Variants in CPD observed in about 807,000 individuals in gnomAD.
CPD encodes the protein metallocarboxypeptidase D.
A neutral mutation model predicts 138.3 loss-of-function variants in CPD; 69 were observed. The observed-to-expected ratio is 0.50, with a 90% CI of 0.41 to 0.61. The LOEUF is 0.61. Ranked by LOEUF, CPD falls within the 20% of genes least tolerant of loss-of-function variation. CPD has a pLI of 0.00. For synonymous variants in CPD, 651 were observed against 642.1 expected, an observed-to-expected ratio of 1.01 and a Z score of -0.21; for missense variants, 1,432 against 1,733.3, an observed-to-expected ratio of 0.83 and a Z score of 3.09.
At chr17:30,402,822 G>C (rs1189785575) in intron 2 of CPD, among the ~76,000 whole-genome samples, 1 of 152,070 alleles carries the variant, frequency 6.6e-6, no homozygotes, top group Non-Finnish European at 1.5e-5. Context: ...CATAATACTT[G>C]TTGGCTGGGT....
At chr17:30,458,807 G>A (rs1398105130) in intron 17 of CPD, among the ~76,000 whole-genome samples, 1 of 151,348 alleles carries the variant, frequency 6.6e-6, no homozygotes, top group Admixed American at 6.6e-5. Flanking sequence ...GGAAGATTGC[G>A]AAGAGCCGAG....
intron 8 of CPD, among the ~76,000 whole-genome samples, chr17:30,435,872 T>C (rs1317350906): frequency 1.3e-5 from 2 of 152,272 alleles, no homozygotes; most frequent in East Asian, 3.9e-4. Context: ...GGTGCTTTGC[T>C]GGCAACCATT....
At chr17:30,457,068 ATATC>A (rs1049074064) in intron 17 of CPD, among the ~76,000 whole-genome samples, 3 of 152,050 alleles carry the variant, frequency 2.0e-5, no homozygotes, top group African/African-American at 7.2e-5. Flanking sequence ...CCCAAAAACC[ATATC>A]TATTTCCAAA....
chr17:30,393,343 G>A (rs1911408232), intron 2 of CPD, among the ~76,000 whole-genome samples: 4 of 152,186 alleles, frequency 2.6e-5, no homozygotes, highest in Admixed American at 2.6e-4. Flanking sequence ...CAATGCTGTT[G>A]AAAGTTTAGA....
At chr17:30,412,122 G>T (rs1259337077) in intron 2 of CPD, among the ~76,000 whole-genome samples, 1 of 152,210 alleles carries the variant, frequency 6.6e-6, no homozygotes, top group Admixed American at 6.5e-5. Context: ...CCCCTCAGCT[G>T]CAGGTCTGTT....
At chr17:30,395,217 T>TA (rs1555606666) in intron 2 of CPD, among the ~76,000 whole-genome samples, 5 of 150,692 alleles carry the variant, frequency 3.3e-5, no homozygotes, top group South Asian at 2.1e-4. Flanking sequence ...TTTTTTTTTT[T>TA]ACCTCTAAAG....
intron 2 of CPD, among the ~76,000 whole-genome samples, chr17:30,393,173 A>G (rs894747290): frequency 6.6e-6 from 1 of 152,250 alleles, no homozygotes; most frequent in Admixed American, 6.5e-5. Flanking sequence ...TTGTGTGAAT[A>G]TCAACTCCTT....
intron 2 of CPD, among the ~76,000 whole-genome samples, chr17:30,399,036 G>A (rs1036170834): frequency 1.4e-4 from 21 of 151,960 alleles, no homozygotes; most frequent in African/African-American, 5.1e-4. Flanking sequence ...CTCATTAATT[G>A]CCTTCTGAAA....
intron 18 of CPD, 25 bp from the exon 19 acceptor site, chr17:30,461,852 A>G (rs1597739545): frequency 6.4e-7 from 1 of 1,561,766 alleles, no homozygotes; most frequent in Non-Finnish European, 8.7e-7. Context: ...GACAACATAA[A>G]TTTATATTTT....
intron 2 of CPD, among the ~76,000 whole-genome samples, chr17:30,400,824 A>ATTTTTTTT (rs778290874): frequency 2.4e-5 from 3 of 125,780 alleles, no homozygotes; most frequent in Non-Finnish European, 5.2e-5. Flanking sequence ...CGCCCGGTTA[A>ATTTTTTTT]TTTTTTTTTT....
At chr17:30,410,137 G>A (rs1911922967) in intron 2 of CPD, among the ~76,000 whole-genome samples, 1 of 152,168 alleles carries the variant, frequency 6.6e-6, no homozygotes, top group African/African-American at 2.4e-5. Context: ...TCAGGAGTAG[G>A]TTGTTCAGTT....
At chr17:30,395,724 TA>T (rs11383738) in intron 2 of CPD, among the ~76,000 whole-genome samples, 162 of 145,004 alleles carry the variant, frequency 1.1e-3, no homozygotes, top group Non-Finnish European at 1.2e-3. Flanking sequence ...AGAGTACATT[TA>T]AAAAAAAAAA....
At position 30,442,372 on chromosome 17, in the gene CPD, T is replaced by C; in HGVS notation, c.2295T>C (p.Cys765=). Residue 765 remains cysteine, a synonymous_variant, in exon 10 of 21, where the codon TGT becomes TGC. Transcript: ENST00000225719. Reference sequence around the variant, plus strand: ...TTGAAGTGACTATTGAACTAGGTTGTGTGAAATATCCACTTGAGAAAGAGC... The same window carrying C: ...TTGAAGTGACTATTGAACTAGGTTGCGTGAAATATCCACTTGAGAAAGAGC... ...NCFEVTIELG[C]VKYPLEKELP... 2 of 1,613,466 alleles carry C rather than the reference T, an allele frequency of 1.2e-6. No individual in the cohort carries two copies. The highest frequency in any genetic ancestry group is 1.3e-5 in the African/African-American group (1 of 75,022).
At position 30,461,238 on chromosome 17, in the gene CPD, A is replaced by G; in HGVS notation, c.3557A>G (p.Tyr1186Cys). The G allele has an allele frequency of 6.2e-7, 1 of 1,612,454 alleles. No individual in the cohort carries two copies. Among genetic ancestry groups the G allele is most frequent in the Non-Finnish European group, 8.5e-7 (1 of 1,179,122 alleles). ...PEITVYTSCCYFPSAARLPSL... is the reference protein window; with the variant it reads ...PEITVYTSCCCFPSAARLPSL... The stretch of plus-strand genomic sequence containing the variant: ...ATCACAGTATACACAAGCTGCTGTT[A>G]CTTTCCTAGTGCTGCACGACTCCCT... Residue 1186 changes from tyrosine to cysteine, a missense_variant, in exon 18 of 21, where the codon TAC (tyrosine) becomes TGC (cysteine). By Grantham distance (194) the Tyr-to-Cys change is radical (BLOSUM62 -2). Transcript: ENST00000225719.
chr17:30,423,456 T>C, intron 5 of CPD, 50 bp from the exon 6 acceptor site: 1 of 1,351,218 alleles, frequency 7.4e-7, no homozygotes, highest in East Asian at 2.6e-5. Flanking sequence ...ACTGAGTCCA[T>C]GATGATTAAG....
intron 1 of CPD, chr17:30,380,355 A>T: frequency 1.8e-6 from 1 of 543,122 alleles, no homozygotes; most frequent in Non-Finnish European, 2.5e-6. Flanking sequence ...TGCCTATTTG[A>T]CAGAAGCTGA....
At chr17:30,382,542 G>T (rs921379953) in intron 1 of CPD, among the ~76,000 whole-genome samples, 32 of 152,168 alleles carry the variant, frequency 2.1e-4, no homozygotes, top group Non-Finnish European at 4.3e-4. Context: ...AATCTTCATT[G>T]TAAGAATGAC....
At chr17:30,452,723 C>CT (rs1913199011) in intron 14 of CPD, among the ~76,000 whole-genome samples, 1 of 151,428 alleles carries the variant, frequency 6.6e-6, no homozygotes, top group Non-Finnish European at 1.5e-5. Context: ...TTCTGAAACT[C>CT]TAATTTTCTT....
intron 17 of CPD, among the ~76,000 whole-genome samples, chr17:30,457,788 C>A (rs187169833): frequency 5.9e-5 from 9 of 152,240 alleles, no homozygotes; most frequent in Non-Finnish European, 1.5e-5. Flanking sequence ...ACCTCAGCCT[C>A]CTGAGTAGCC....
Sources: gnomAD v4.1 joint callset for allele counts (sites outside exome capture counted in the v4.1 genomes callset) on GRCh38, gnomAD v4.1.1 for gene constraint, MANE v1.5 for transcripts, NCBI Gene and HGNC (gene_info 2026-07-23, HGNC 2026-07-21) for gene names.